GSG1L: variants seen among roughly 807,000 people sequenced by gnomAD.
GSG1L encodes GSG1 like, also known as germ cell-specific gene 1-like protein.
GSG1L carries 24 observed loss-of-function variants against 42.1 expected under a neutral mutation model. The observed-to-expected ratio is 0.57, with a 90% confidence interval of 0.41 to 0.80. GSG1L has a LOEUF of 0.80. Ranked by LOEUF, GSG1L falls within the 30% of genes least tolerant of loss-of-function variation. GSG1L has a pLI of 0.00. For missense variants in GSG1L, 445 were observed against 472.2 expected, an observed-to-expected ratio of 0.94 and a Z score of 0.53; for synonymous variants, 215 against 203.5, an observed-to-expected ratio of 1.06 and a Z score of -0.48.
chr16:27,856,157 ACC>A (rs148185745), intron 3 of GSG1L, among the ~76,000 whole-genome samples: 3 of 148,432 alleles, frequency 2.0e-5, no homozygotes, highest in Admixed American at 6.8e-5. Flanking sequence ...AGGAATGTGC[ACC>A]CCCCCCCATC....
intron 2 of GSG1L, among the ~76,000 whole-genome samples, chr16:27,901,309 G>C (rs540801389): frequency 6.6e-6 from 1 of 152,208 alleles, no homozygotes; most frequent in Admixed American, 6.5e-5. Context: ...CTGTGATTTC[G>C]ATTGGTGTCA....
intron 2 of GSG1L, among the ~76,000 whole-genome samples, chr16:27,956,092 A>C (rs1292649653): frequency 6.6e-6 from 1 of 152,208 alleles, no homozygotes; most frequent in Non-Finnish European, 1.5e-5. Flanking sequence ...TTTCTTTTGA[A>C]GCTAGAAAGT....
At position 28,040,798 on chromosome 16, in the gene GSG1L, G is replaced by A. The variant is rs1289595354; in HGVS notation, c.349+22278C>T. Among the ~76,000 whole-genome samples, 3 of 152,170 alleles carry A rather than the reference G, an allele frequency of 2.0e-5. No individual in the cohort carries two copies. The highest frequency in any genetic ancestry group is 7.2e-5 in the African/African-American group (3 of 41,440). On this transcript the variant is annotated intron_variant, in intron 1 of 6. Transcript: ENST00000447459. This position sits in a 1 kb window ranked among gnomAD's most constrained non-coding sequence, Gnocchi z 4.1. ...GCAGGGTAGTGCTGACTGGCCGCCA[G>A]GGCATCTCCTAGAATCAGTTCAGGT...
intron 1 of GSG1L, among the ~76,000 whole-genome samples, chr16:27,991,248 A>C (rs1166573244): frequency 6.6e-6 from 1 of 152,192 alleles, no homozygotes; most frequent in Non-Finnish European, 1.5e-5. Context: ...TGGCTACAAC[A>C]AGTCTCTAAA....
intron 1 of GSG1L, among the ~76,000 whole-genome samples, chr16:28,022,381 A>G (rs983184643): frequency 4.6e-5 from 7 of 152,212 alleles, no homozygotes; most frequent in Admixed American, 3.9e-4. Context: ...GCTGGAGTAC[A>G]GTGGCGTGAT....
intron 2 of GSG1L, among the ~76,000 whole-genome samples, chr16:27,948,609 C>CTTTTT (rs202151239): frequency 8.6e-6 from 1 of 116,608 alleles, no homozygotes. Context: ...TCTTCTTCTT[C>CTTTTT]TTTTTTTTTT....
rs374420799 is a variant in GSG1L, at chr16:28,051,742, G to A, written c.349+11334C>T. On this transcript the variant is annotated intron_variant, in intron 1 of 6. Transcript: ENST00000447459. ...ACAGTGGGGCTGCAGCATAGACAAC[G>A]AGGAAGAGCATCATGGGAGATGGGG... 3.3e-5 allele frequency among the ~76,000 whole-genome samples: 5 copies of A among 152,312 alleles called. No individual in the cohort carries two copies. In the East Asian group the frequency reaches 5.8e-4, roughly 18 times the overall value.
intron 5 of GSG1L, chr16:27,823,832 C>T (rs1263980096): frequency 2.8e-6 from 2 of 702,818 alleles, no homozygotes; most frequent in African/African-American, 1.7e-5. Context: ...ACTATGTGGC[C>T]TGGGCTTAAA....
chr16:27,994,455 T>G (rs973624114), intron 1 of GSG1L, among the ~76,000 whole-genome samples: 5 of 152,196 alleles, frequency 3.3e-5, no homozygotes, highest in African/African-American at 1.2e-4. Flanking sequence ...CTCTAACTCT[T>G]GCTGATAATA....
chr16:27,880,804 T>C (rs887645141), intron 3 of GSG1L, among the ~76,000 whole-genome samples: 26 of 151,934 alleles, frequency 1.7e-4, no homozygotes, highest in Non-Finnish European at 3.2e-4. Context: ...GGGGAAGAGC[T>C]ACATGCTTGG....
chr16:27,834,171 T>C (rs1596543213), intron 4 of GSG1L, among the ~76,000 whole-genome samples: 1 of 152,300 alleles, frequency 6.6e-6, no homozygotes, highest in East Asian at 1.9e-4. Flanking sequence ...TTGTGTCAAA[T>C]GCTTTTTCTG....
intron 3 of GSG1L, among the ~76,000 whole-genome samples, chr16:27,849,081 C>T (rs1169388048): frequency 1.3e-5 from 2 of 151,404 alleles, no homozygotes; most frequent in Non-Finnish European, 2.9e-5. Flanking sequence ...CTCCGCTACT[C>T]GGGAGGCTGA....
intron 3 of GSG1L, among the ~76,000 whole-genome samples, chr16:27,862,897 T>C (rs1189521846): frequency 1.3e-5 from 2 of 152,178 alleles, no homozygotes; most frequent in African/African-American, 2.4e-5. Flanking sequence ...GTTCTATATG[T>C]GTGTGCTTGA....
At chr16:27,916,197 G>A (rs1202697911) in intron 2 of GSG1L, among the ~76,000 whole-genome samples, 1 of 152,150 alleles carries the variant, frequency 6.6e-6, no homozygotes, top group Non-Finnish European at 1.5e-5. Context: ...AGCTTCCCAG[G>A]GGGTCAGTCT....
intron 6 of GSG1L, among the ~76,000 whole-genome samples, chr16:27,794,739 G>A (rs2082799053): frequency 6.6e-6 from 1 of 152,196 alleles, no homozygotes; most frequent in Non-Finnish European, 1.5e-5. Context: ...GTGGGCCAAA[G>A]AGCATTTCTC....
intron 3 of GSG1L, among the ~76,000 whole-genome samples, chr16:27,851,358 G>A (rs778698508): frequency 6.6e-6 from 1 of 152,048 alleles, no homozygotes; most frequent in Non-Finnish European, 1.5e-5. Flanking sequence ...TGCCATGCCT[G>A]GCTGACATTT....
chr16:27,965,781 A>T (rs995278713), intron 1 of GSG1L, among the ~76,000 whole-genome samples: 1 of 152,204 alleles, frequency 6.6e-6, no homozygotes, highest in African/African-American at 2.4e-5. Context: ...TAGCCTCTGC[A>T]CTGGTCTCTC....
chr16:27,959,141 G>A (rs2085038339), intron 2 of GSG1L, among the ~76,000 whole-genome samples: 2 of 149,982 alleles, frequency 1.3e-5, no homozygotes, highest in Admixed American at 1.4e-4. Flanking sequence ...TGTTGATTGG[G>A]GTTTCCTAGG....
At chr16:28,058,231 C>T (rs551739795) in intron 1 of GSG1L, among the ~76,000 whole-genome samples, 1 of 152,282 alleles carries the variant, frequency 6.6e-6, no homozygotes, top group South Asian at 2.1e-4. Context: ...AGCTGTGTGA[C>T]CTTGGGCAAC....
Sources: allele counts gnomAD v4.1 joint callset (sites outside exome capture counted in the v4.1 genomes callset), GRCh38; gene constraint gnomAD v4.1.1; non-coding constraint Gnocchi (gnomAD v3.1); transcripts MANE v1.5; gene names NCBI Gene and HGNC (gene_info 2026-07-23, HGNC 2026-07-21).